Variants in DNAH9 observed in about 807,000 individuals in gnomAD.
The protein encoded by DNAH9 is DNAH9 variant protein.
A neutral mutation model predicts 471.6 loss-of-function variants in DNAH9; 345 were observed. That is an observed-to-expected ratio of 0.73 (90% confidence interval 0.67 to 0.80). DNAH9 has a LOEUF of 0.80. Among genes scored for constraint, DNAH9 ranks in the 30% least tolerant of loss-of-function variants. The pLI, the probability that DNAH9 is intolerant of heterozygous loss-of-function variation, is 0.00. For synonymous variants in DNAH9, 2,093 were observed against 2,123.6 expected (o/e 0.99, Z 0.40); for missense variants, 5,407 against 5,609.2 (o/e 0.96, Z 1.15).
intron 33 of DNAH9, among the ~76,000 whole-genome samples, chr17:11,754,416 T>C (rs1210251917): frequency 6.6e-6 from 1 of 152,222 alleles, no homozygotes; most frequent in East Asian, 1.9e-4. Context: ...CTTTCCACAA[T>C]GGATAAACTA....
At chr17:11,906,581 C>T (rs112197841) in intron 61 of DNAH9, among the ~76,000 whole-genome samples, 6,533 of 149,662 alleles carry the variant, frequency 0.044, 214 homozygotes, top group Non-Finnish European at 0.062. Flanking sequence ...GAGCTGAGAC[C>T]GCACTACTGC....
intron 19 of DNAH9, among the ~76,000 whole-genome samples, chr17:11,687,274 T>C (rs2074257478): frequency 6.6e-6 from 1 of 152,108 alleles, no homozygotes; most frequent in Admixed American, 6.6e-5. Flanking sequence ...CCAAAAACAA[T>C]TTAGATTGAA....
chr17:11,781,764 G>A (rs990799084), intron 39 of DNAH9, among the ~76,000 whole-genome samples: 1 of 150,480 alleles, frequency 6.6e-6, no homozygotes, highest in Non-Finnish European at 1.5e-5. Flanking sequence ...CCTGGTAGGC[G>A]GAGATTGCAG....
rs1164178161 is a variant in DNAH9, at chr17:11,689,617, C to T, written c.3795C>T (p.Ile1265=). The change falls in exon 20 of 69, where the codon ATC becomes ATT. Residue 1265 remains isoleucine (I), a synonymous_variant. Transcript: ENST00000262442. ...TGCTGGATGCCAGGCACATCGAGAT[C>T]CAGCAGATGGAATCCACTATGGCCT... The part of the protein sequence containing the change: ...HQMLDARHIE[I]QQMESTMASI... The T allele has an allele frequency of 5.0e-6, 8 of 1,613,944 alleles. No homozygotes were observed. Among genetic ancestry groups the T allele is most frequent in the Non-Finnish European group, 5.1e-6 (6 of 1,179,974 alleles).
intron 61 of DNAH9, among the ~76,000 whole-genome samples, chr17:11,917,071 T>A (rs4792196): frequency 0.19 from 28,198 of 152,144 alleles, 2,779 homozygotes; most frequent in East Asian, 0.27. Context: ...GAGAAAGAAG[T>A]GAGGAGGAGA....
chr17:11,755,199 G>A (rs989874673), intron 33 of DNAH9, among the ~76,000 whole-genome samples: 11 of 152,148 alleles, frequency 7.2e-5, no homozygotes, highest in African/African-American at 2.7e-4. Flanking sequence ...TTTTGTACCA[G>A]TACCATGCTG....
In DNAH9 at chr17:11,705,032, A is replaced by G; in HGVS notation, c.5399A>G (p.Asn1800Ser). 6 of 1,614,000 alleles carry G rather than the reference A, an allele frequency of 3.7e-6. No individual in the cohort carries two copies. Among genetic ancestry groups the G allele is most frequent in the Non-Finnish European group, 5.1e-6 (6 of 1,179,926 alleles). Residue 1800 changes from asparagine to serine, a missense_variant, in exon 26 of 69, where the codon AAT becomes AGT. Asn to Ser is a conservative substitution (Grantham distance 46). This residue lies in a region of DNAH9 where 4,636 missense variants were observed against 4,900.3 expected (regional missense o/e 0.95). Transcript: ENST00000262442. ...CTACCACTCTCTCTTTAGGTAGACA[A>G]TGCCCAGGCTTTCCTCTGGCTGTCT... ...VAKMIAQKVD[N>S]AQAFLWLSQL...
At chr17:11,620,152 T>G (rs901502509) in intron 6 of DNAH9, among the ~76,000 whole-genome samples, 10 of 150,778 alleles carry the variant, frequency 6.6e-5, no homozygotes, top group African/African-American at 2.4e-4. Flanking sequence ...GAGGCAGAGG[T>G]TGCAGTGAGT....
At chr17:11,603,474 T>A (rs1259851542) in intron 1 of DNAH9, among the ~76,000 whole-genome samples, 1 of 152,162 alleles carries the variant, frequency 6.6e-6, no homozygotes, top group Non-Finnish European at 1.5e-5. Context: ...TGCCATCCCA[T>A]CCGTTGCTAG....
intron 43 of DNAH9, among the ~76,000 whole-genome samples, chr17:11,806,100 A>T (rs1054501186): frequency 1.8e-4 from 27 of 152,126 alleles, no homozygotes; most frequent in African/African-American, 6.5e-4. Context: ...TTCCAAAAAC[A>T]TTTCTCTAAA....
chr17:11,783,826 T>C, intron 40 of DNAH9, 78 bp downstream of exon 40: 1 of 1,252,356 alleles, frequency 8.0e-7, no homozygotes, highest in African/African-American at 1.5e-5. Flanking sequence ...AGTATAATAA[T>C]TGGCCTTTTT....
At chr17:11,913,507 G>A (rs955091235) in intron 61 of DNAH9, among the ~76,000 whole-genome samples, 1 of 152,118 alleles carries the variant, frequency 6.6e-6, no homozygotes, top group African/African-American at 2.4e-5. Context: ...TATTGTCCGG[G>A]CACGGTGGCT....
intron 67 of DNAH9, among the ~76,000 whole-genome samples, chr17:11,946,366 A>G (rs569659084): frequency 4.2e-4 from 64 of 151,946 alleles, no homozygotes; most frequent in Non-Finnish European, 8.8e-5. Context: ...CGTTTGAATG[A>G]TAAAAATTAC....
chr17:11,780,334 C>A (rs1378592365), intron 38 of DNAH9, among the ~76,000 whole-genome samples: 1 of 152,204 alleles, frequency 6.6e-6, no homozygotes, highest in Admixed American at 6.5e-5. Flanking sequence ...CAAGGAAAAT[C>A]CCACGAGATG....
chr17:11,624,223 C>T lies in DNAH9; in HGVS notation c.1350+4442C>T, dbSNP rs536633557. On this transcript the variant is annotated intron_variant, in intron 6 of 68. Transcript: ENST00000262442. Reference sequence around the variant, plus strand: ...TGTATCCTTGCAATCATCTTAAGAACTGGGGCCGGGTGCAGTGGCTTACGC... The same window carrying T: ...TGTATCCTTGCAATCATCTTAAGAATTGGGGCCGGGTGCAGTGGCTTACGC... 5.8e-3 allele frequency among the ~76,000 whole-genome samples: 886 copies of T among 152,252 alleles called. 3 individuals carry two copies. The highest frequency in any genetic ancestry group is 9.0e-3 in the Non-Finnish European group (613 of 68,006).
Position 11,962,332 on chromosome 17 carries a change from T to C in DNAH9, c.13233+76T>C. 1 of 1,494,020 alleles carries C rather than the reference T, an allele frequency of 6.7e-7. No individual in the cohort carries two copies. Among genetic ancestry groups the C allele is most frequent in the Non-Finnish European group, 8.9e-7 (1 of 1,127,850 alleles). 92.5% of individuals were successfully genotyped at this position (1,494,020 alleles called of 1,614,324 possible). A position where few individuals can be genotyped will look rare whatever the true frequency, so the allele number is the denominator to read the frequency against. On this transcript the variant is annotated intron_variant, in intron 68 of 68. Transcript: ENST00000262442. This position sits in a 1 kb window ranked among gnomAD's most constrained non-coding sequence, Gnocchi z 4.1. ...CACATTGCTTCCTATGAAGTGTGAC[T>C]ACTAAAAGAGATATTCCTGAATCTT...
chr17:11,921,585 G>A (rs1446372833), intron 61 of DNAH9, among the ~76,000 whole-genome samples: 2 of 152,158 alleles, frequency 1.3e-5, no homozygotes, highest in Non-Finnish European at 2.9e-5. Flanking sequence ...GACACTGGAG[G>A]GACTTGCTCA....
chr17:11,701,222 A>C lies in DNAH9; in HGVS notation c.5126A>C (p.Gln1709Pro), dbSNP rs2074588596. The C allele has an allele frequency of 6.2e-7, 1 of 1,613,690 alleles. No individual in the cohort carries two copies. Among genetic ancestry groups the C allele is most frequent in the Admixed American group, 1.7e-5 (1 of 60,000 alleles). The stretch of plus-strand genomic sequence containing the variant: ...GCCTATGAAGAAAAGCCGAGGGAGC[A>C]GTGGCTTTTTGACCACCCAGCTCAG... ...VTAYEEKPREQWLFDHPAQVA... is the reference protein window; with the variant it reads ...VTAYEEKPREPWLFDHPAQVA... The change falls in exon 24 of 69, where the codon CAG becomes CCG. Residue 1709 changes from glutamine (Q) to proline (P), a missense_variant. This residue lies in a region of DNAH9 where 4,636 missense variants were observed against 4,900.3 expected (regional missense o/e 0.95). Transcript: ENST00000262442.
intron 52 of DNAH9, chr17:11,873,352 C>CG (rs1972354528): frequency 6.6e-6 from 1 of 152,086 alleles, no homozygotes; most frequent in Admixed American, 6.5e-5. Context: ...ATGATTTTGA[C>CG]ACGTCAAATA....
Sources: gnomAD v4.1 joint callset for allele counts (sites outside exome capture counted in the v4.1 genomes callset) on GRCh38, gnomAD v4.1.1 for gene constraint, gnomAD v4.1.1 regional missense constraint, Gnocchi (gnomAD v3.1) non-coding constraint, MANE v1.5 for transcripts, NCBI Gene and HGNC (gene_info 2026-07-23, HGNC 2026-07-21) for gene names.